Variants in ESPN observed in about 807,000 individuals in gnomAD.
ESPN encodes the protein espin.
Under a neutral mutation model 77.7 loss-of-function variants are expected in ESPN, and 68 were observed. That is an observed-to-expected ratio of 0.87 (90% confidence interval 0.72 to 1.07). The LOEUF (loss-of-function observed/expected upper bound fraction) is 1.07, where lower values mean the gene tolerates loss of function less well. Among genes scored for constraint, ESPN ranks in the 50% least tolerant of loss-of-function variants. The pLI is 0.00. For missense variants in ESPN, 1,060 were observed against 1,239.0 expected, an observed-to-expected ratio of 0.86 and a Z score of 2.17; for synonymous variants, 449 against 567.1, an observed-to-expected ratio of 0.79 and a Z score of 2.96.
At chr1:6,443,888 G>A (rs895229523) in intron 5 of ESPN, among the ~76,000 whole-genome samples, 20 of 152,174 alleles carry the variant, frequency 1.3e-4, no homozygotes, top group African/African-American at 4.3e-4. Context: ...CGTCTGCACC[G>A]GGAGGGGACA....
chr1:6,432,559 G>C (rs1457841001), intron 2 of ESPN, among the ~76,000 whole-genome samples: 1 of 152,224 alleles, frequency 6.6e-6, no homozygotes, highest in Non-Finnish European at 1.5e-5. Flanking sequence ...TCTAACCGGG[G>C]CTAGTGCCCC....
chr1:6,428,215 T>G lies in ESPN; in HGVS notation c.295-11T>G, dbSNP rs541384181. The G allele has an allele frequency of 6.2e-7, 1 of 1,613,436 alleles. No individual in the cohort carries two copies. Among genetic ancestry groups the G allele is most frequent in the South Asian group, 1.1e-5 (1 of 91,074 alleles). On this transcript the variant is annotated splice_polypyrimidine_tract_variant and intron_variant, in intron 1 of 12. Transcript: ENST00000645284. This position sits in a 1 kb window ranked among gnomAD's most constrained non-coding sequence, Gnocchi z 5.4. ...CAGGCTTTAGGACTTGAACCAGCTC[T>G]CCTCCCACAGGACAAAGACAATTCT...
intron 10 of ESPN, among the ~76,000 whole-genome samples, chr1:6,453,157 G>A (rs1238409374): frequency 6.6e-5 from 10 of 152,216 alleles, no homozygotes; most frequent in Non-Finnish European, 1.5e-4. Context: ...GCCTCCCAAA[G>A]TGCTGGGATT....
At chr1:6,452,904 A>ATTTATTT (rs1553169593) in intron 10 of ESPN, among the ~76,000 whole-genome samples, 1 of 150,872 alleles carries the variant, frequency 6.6e-6, no homozygotes, top group African/African-American at 2.5e-5. Flanking sequence ...TTTATTTTTT[A>ATTTATTT]TTTTTTGAGA....
At position 6,446,655 on chromosome 1, in the gene ESPN, C is replaced by T. The variant is rs550877739; in HGVS notation, c.1464+720C>T. Among the ~76,000 whole-genome samples, 37 of 152,204 alleles carry T rather than the reference C, an allele frequency of 2.4e-4. 1 individual carries two copies. The South Asian group carries it at 6.2e-3, about 26-fold the overall frequency. On this transcript the variant is annotated intron_variant, in intron 7 of 12. Transcript: ENST00000645284. ...GGCAGAGGTCTGGTCTGAGCAATTC[C>T]GGGTATCCCGGGCAGGGTGCCCTGG...
chr1:6,436,061 C>G (rs1317891901), intron 2 of ESPN, among the ~76,000 whole-genome samples: 1 of 152,192 alleles, frequency 6.6e-6, no homozygotes, highest in Non-Finnish European at 1.5e-5. Context: ...TGTGCCCCAG[C>G]AGCTGGCAAA....
chr1:6,455,066 G>A, intron 10 of ESPN: 1 of 382,818 alleles, frequency 2.6e-6, no homozygotes, highest in Non-Finnish European at 4.6e-6. Flanking sequence ...AGCCCATCTT[G>A]GAGGAGGACT....
chr1:6,459,798 C>T (rs377539504), intron 12 of ESPN, among the ~76,000 whole-genome samples: 1 of 152,204 alleles, frequency 6.6e-6, no homozygotes, highest in Non-Finnish European at 1.5e-5. Flanking sequence ...CTCCCACTCA[C>T]CCAGCTCCCC....
chr1:6,457,501 C>T (rs962165470), intron 12 of ESPN, 129 bp downstream of exon 12: 4 of 1,047,708 alleles, frequency 3.8e-6, no homozygotes, highest in Non-Finnish European at 2.9e-6. Context: ...CCTCCTTCCT[C>T]CCTATAATAC....
At chr1:6,430,788 GA>G (rs1404846639) in intron 2 of ESPN, among the ~76,000 whole-genome samples, 14 of 147,530 alleles carry the variant, frequency 9.5e-5, no homozygotes, top group African/African-American at 2.5e-4. Flanking sequence ...GAAAAAAAAA[GA>G]AAAAAAAAAG....
chr1:6,436,394 A>G (rs1447984662), intron 2 of ESPN, among the ~76,000 whole-genome samples: 5 of 152,124 alleles, frequency 3.3e-5, no homozygotes, highest in Admixed American at 2.0e-4. Context: ...AGACAGAGTA[A>G]TCATTCAGTA....
intron 6 of ESPN, among the ~76,000 whole-genome samples, chr1:6,445,307 A>G (rs1287928228): frequency 1.3e-5 from 2 of 152,258 alleles, no homozygotes; most frequent in Non-Finnish European, 2.9e-5. Flanking sequence ...ACGCCGCCAG[A>G]TGGTGGCCTC....
chr1:6,441,472 CTG>C (rs1188283804), intron 5 of ESPN, among the ~76,000 whole-genome samples: 2 of 152,056 alleles, frequency 1.3e-5, no homozygotes, highest in Non-Finnish European at 2.9e-5. Context: ...TCACCAGTAA[CTG>C]TTAGAGTGGA....
intron 2 of ESPN, among the ~76,000 whole-genome samples, chr1:6,433,732 C>G (rs113453591): frequency 3.3e-5 from 5 of 152,106 alleles, no homozygotes; most frequent in Admixed American, 3.3e-4. Flanking sequence ...AACAGGCCAG[C>G]GCCCCTGCCT....
In ESPN at chr1:6,450,058, C is replaced by T. The variant is rs1407971325; in HGVS notation, c.1915+967C>T. On this transcript the variant is annotated intron_variant, in intron 8 of 12. Transcript: ENST00000645284. The surrounding 1 kb of genome is among the most constrained non-coding windows in gnomAD (Gnocchi z 4.3). ...CAGCACCTGCCGAACCTCCTTCTTCCCTCCACAGCCTGCAGCAGGGCTGAA... is the reference window on the plus strand; with the variant it reads ...CAGCACCTGCCGAACCTCCTTCTTCTCTCCACAGCCTGCAGCAGGGCTGAA... Among the ~76,000 whole-genome samples the T allele has an allele frequency of 6.6e-6, 1 of 152,196 alleles. No homozygotes were observed. Among genetic ancestry groups the T allele is most frequent in the Non-Finnish European group, 1.5e-5 (1 of 68,024 alleles).
chr1:6,434,573 C>A (rs1445638154), intron 2 of ESPN, among the ~76,000 whole-genome samples: 1 of 152,204 alleles, frequency 6.6e-6, no homozygotes, highest in African/African-American at 2.4e-5. Flanking sequence ...GTGGACCTAA[C>A]CTGCCCTACC....
At chr1:6,457,802 A>G (rs1490838446) in intron 12 of ESPN, among the ~76,000 whole-genome samples, 3 of 152,190 alleles carry the variant, frequency 2.0e-5, no homozygotes, top group Non-Finnish European at 2.9e-5. Context: ...ATTTGGCACA[A>G]AATATCAAAA....
In ESPN at chr1:6,438,118, C is replaced by T. The variant is rs567806473; in HGVS notation, c.489-2136C>T. Among the ~76,000 whole-genome samples the T allele has an allele frequency of 3.9e-5, 6 of 152,112 alleles. No homozygotes were observed. The South Asian group carries it at 1.2e-3, about 31-fold the overall frequency. On this transcript the variant is annotated intron_variant, in intron 2 of 12. Transcript: ENST00000645284. ...TCCTGTGAAGAATTGGCCTCCTAAGCACAAAAGGTGAATTGGAACCCAATA... is the reference window on the plus strand; with the variant it reads ...TCCTGTGAAGAATTGGCCTCCTAAGTACAAAAGGTGAATTGGAACCCAATA...
chr1:6,461,027 G>A (rs915510103), downstream of ESPN: 11 of 417,066 alleles, frequency 2.6e-5, no homozygotes, highest in Non-Finnish European at 5.4e-5. The surrounding 1 kb of genome is among the most constrained non-coding windows in gnomAD (Gnocchi z 6.3). Flanking sequence ...TGGGAGCTAA[G>A]GCCACACTGG....
Sources: allele counts gnomAD v4.1 joint callset (sites outside exome capture counted in the v4.1 genomes callset), GRCh38; gene constraint gnomAD v4.1.1; non-coding constraint Gnocchi (gnomAD v3.1); transcripts MANE v1.5; gene names NCBI Gene and HGNC (gene_info 2026-07-23, HGNC 2026-07-21).